PIK3C2G: variants seen among roughly 807,000 people sequenced by gnomAD.
The protein encoded by PIK3C2G is phosphatidylinositol 3-kinase C2 domain-containing subunit gamma.
A neutral mutation model predicts 181.1 loss-of-function variants in PIK3C2G; 168 were observed. The observed-to-expected ratio is 0.93, with a 90% CI of 0.82 to 1.05. PIK3C2G has a LOEUF of 1.05. PIK3C2G is among the 50% of genes least tolerant of loss of function. PIK3C2G has a pLI of 0.00. For missense variants in PIK3C2G, 1,869 were observed against 1,732.8 expected, an observed-to-expected ratio of 1.08 and a Z score of -1.40; for synonymous variants, 573 against 592.2, an observed-to-expected ratio of 0.97 and a Z score of 0.47.
chr12:18,379,265 C>T (rs1488375005), intron 13 of PIK3C2G, among the ~76,000 whole-genome samples: 1 of 148,746 alleles, frequency 6.7e-6, no homozygotes, highest in African/African-American at 2.5e-5. Context: ...ATCACAGGCA[C>T]AAAAAACCAA....
chr12:18,243,183 A>G (rs1274045539), upstream of PIK3C2G, among the ~76,000 whole-genome samples: 1 of 138,778 alleles, frequency 7.2e-6, no homozygotes, highest in Non-Finnish European at 1.5e-5. Context: ...TTTAAATCCT[A>G]TAAAGTCTTT....
At chr12:18,372,457 C>A (rs985864048) in intron 13 of PIK3C2G, 6 of 151,996 alleles carry the variant, frequency 3.9e-5, no homozygotes, top group Non-Finnish European at 8.8e-5. Context: ...ACAGTTTATC[C>A]CTAAAAGCAA....
the PIK3C2G span, chr12:18,694,886 T>C: frequency 6.5e-7 from 1 of 1,540,784 alleles, no homozygotes. Context: ...CCAAAAAATG[T>C]AAAAGAAAAT....
chr12:18,709,333 T>A, the PIK3C2G span, among the ~76,000 whole-genome samples: 1 of 152,146 alleles, frequency 6.6e-6, no homozygotes, highest in East Asian at 1.9e-4. Context: ...CATATATGCT[T>A]AGGTTGATCT....
At chr12:18,507,035 CT>C (rs761922159) in intron 24 of PIK3C2G, among the ~76,000 whole-genome samples, 153 of 145,598 alleles carry the variant, frequency 1.1e-3, no homozygotes, top group Non-Finnish European at 1.2e-3. Context: ...TTTTCTTTTA[CT>C]TTTTTTTTTT....
At chr12:18,616,560 A>G (rs930149419) in intron 31 of PIK3C2G, among the ~76,000 whole-genome samples, 1 of 152,116 alleles carries the variant, frequency 6.6e-6, no homozygotes, top group Non-Finnish European at 1.5e-5. Flanking sequence ...TTAATGTTCA[A>G]AAACCCTGAA....
intron 25 of PIK3C2G, among the ~76,000 whole-genome samples, chr12:18,538,821 C>A (rs1592527486): frequency 6.6e-6 from 1 of 151,968 alleles, no homozygotes; most frequent in East Asian, 1.9e-4. Context: ...TCGTGGTATG[C>A]ATTAGGTGTA....
intron 31 of PIK3C2G, among the ~76,000 whole-genome samples, chr12:18,611,101 T>C (rs1019576131): frequency 4.6e-5 from 7 of 152,078 alleles, no homozygotes; most frequent in African/African-American, 1.7e-4. Context: ...TTTTCAAAAA[T>C]GCATTTTACA....
At chr12:18,359,739 A>C (rs1016340993) in intron 11 of PIK3C2G, among the ~76,000 whole-genome samples, 6 of 152,086 alleles carry the variant, frequency 3.9e-5, no homozygotes, top group Non-Finnish European at 8.8e-5. Context: ...TTTTACTTAA[A>C]CTTGACTTTC....
chr12:18,669,026 GTAA>G, the PIK3C2G span, among the ~76,000 whole-genome samples: 1 of 152,060 alleles, frequency 6.6e-6, no homozygotes, highest in East Asian at 1.9e-4. Context: ...GCAGAAAATA[GTAA>G]TAATAATAAT....
chr12:18,294,459 T>A (rs1300841035), intron 5 of PIK3C2G, among the ~76,000 whole-genome samples: 1 of 152,076 alleles, frequency 6.6e-6, no homozygotes, highest in Admixed American at 6.6e-5. Flanking sequence ...ATACTGATTT[T>A]TTTTTAAATC....
At chr12:18,525,543 A>G (rs546920040) in intron 24 of PIK3C2G, among the ~76,000 whole-genome samples, 2 of 152,252 alleles carry the variant, frequency 1.3e-5, no homozygotes, top group Admixed American at 6.5e-5. Flanking sequence ...CCTAACTTCT[A>G]ATACAATTTC....
the PIK3C2G span, among the ~76,000 whole-genome samples, chr12:18,716,708 C>G: frequency 6.6e-6 from 1 of 152,152 alleles, no homozygotes; most frequent in African/African-American, 2.4e-5. Context: ...AACTTTATTT[C>G]ATCTATTTAT....
At chr12:18,700,014 A>T in the PIK3C2G span, 1 of 1,381,464 alleles carries the variant, frequency 7.2e-7, no homozygotes, top group Admixed American at 2.0e-5. Context: ...AATTTTTTCT[A>T]GTAAAGAAAA....
chr12:18,344,101 G>T (rs1241078879), intron 10 of PIK3C2G, among the ~76,000 whole-genome samples: 1 of 152,076 alleles, frequency 6.6e-6, no homozygotes, highest in African/African-American at 2.4e-5. Context: ...GATTTAATGT[G>T]CAGGATCTGG....
At chr12:18,498,119 AT>A in intron 22 of PIK3C2G, among the ~76,000 whole-genome samples, 1 of 152,300 alleles carries the variant, frequency 6.6e-6, no homozygotes, top group Non-Finnish European at 1.5e-5. Context: ...AAATCTACAC[AT>A]TTTCAAGTGC....
Position 18,345,558 on chromosome 12 carries a change from G to T in PIK3C2G, c.1430-1083G>T, listed in dbSNP as rs535215543. Among the ~76,000 whole-genome samples, 589 of 152,224 alleles carry T rather than the reference G, an allele frequency of 3.9e-3. 1 individual carries two copies. The highest frequency in any genetic ancestry group is 0.013 in the African/African-American group (551 of 41,546). On this transcript the variant is annotated intron_variant, in intron 10 of 32. Transcript: ENST00000538779. ...TGGGAGGAAGCTCCATGTCAAGCTG[G>T]CCCCTTTCCTGAAGCATCCAACTGC... is the stretch of plus-strand genomic sequence containing the variant.
At chr12:18,716,710 T>A in the PIK3C2G span, among the ~76,000 whole-genome samples, 1 of 152,224 alleles carries the variant, frequency 6.6e-6, no homozygotes, top group Non-Finnish European at 1.5e-5. Flanking sequence ...CTTTATTTCA[T>A]CTATTTATCT....
rs554871756 is a variant in PIK3C2G at position 18,482,736 on chromosome 12, T to C, written c.2505-5713T>C. Among the ~76,000 whole-genome samples the C allele has an allele frequency of 2.0e-5, 3 of 152,244 alleles. No individual in the cohort carries two copies. The East Asian group carries it at 5.8e-4, about 30-fold the overall frequency. On this transcript the variant is annotated intron_variant, in intron 18 of 32. Coordinates refer to ENST00000538779, the MANE Select transcript of PIK3C2G (RefSeq NM_001288772.2). The stretch of plus-strand genomic sequence containing the variant: ...ACTGGGGTAACAGTCTCTTATTGCA[T>C]ACACTCAAATCACTATAAATGGCTC...
Sources: gnomAD v4.1 joint callset for allele counts (sites outside exome capture counted in the v4.1 genomes callset) on GRCh38, gnomAD v4.1.1 for gene constraint, MANE v1.5 for transcripts, NCBI Gene and HGNC (gene_info 2026-07-23, HGNC 2026-07-21) for gene names.